Variants in GRM7 observed in about 807,000 individuals in gnomAD.
The protein encoded by GRM7 is metabotropic glutamate receptor 7.
Under a neutral mutation model 84.5 loss-of-function variants are expected in GRM7, and 35 were observed. The observed-to-expected ratio is 0.41, with a 90% CI of 0.32 to 0.55. The LOEUF is 0.55. Ranked by LOEUF, GRM7 falls within the 20% of genes least tolerant of loss-of-function variation. The pLI, the probability that GRM7 is intolerant of heterozygous loss-of-function variation, is 0.19. For synonymous variants in GRM7, 487 were observed against 455.1 expected (o/e 1.07, Z -0.89); for missense variants, 1,003 against 1,194.6 (o/e 0.84, Z 2.36).
At chr3:7,583,571 A>C (rs1298920218) in intron 8 of GRM7, among the ~76,000 whole-genome samples, 1 of 152,160 alleles carries the variant, frequency 6.6e-6, no homozygotes, top group Non-Finnish European at 1.5e-5. Context: ...GATTCTTGAT[A>C]CCTCTTCCCA....
At chr3:7,438,548 C>G (rs1392232656) in intron 5 of GRM7, among the ~76,000 whole-genome samples, 2 of 151,814 alleles carry the variant, frequency 1.3e-5, no homozygotes, top group Non-Finnish European at 2.9e-5. Flanking sequence ...TACCTCTGGG[C>G]AAATAACATA....
At chr3:7,503,500 A>G (rs764322026) in intron 7 of GRM7, among the ~76,000 whole-genome samples, 2 of 152,168 alleles carry the variant, frequency 1.3e-5, no homozygotes, top group Non-Finnish European at 2.9e-5. Context: ...GGCAGATTGC[A>G]TACCCACTAT....
At chr3:6,944,816 G>T (rs1222901614) in intron 1 of GRM7, among the ~76,000 whole-genome samples, 3 of 152,014 alleles carry the variant, frequency 2.0e-5, no homozygotes, top group Non-Finnish European at 4.4e-5. Flanking sequence ...AGTTTTTATT[G>T]TGAGAAGGTT....
At chr3:7,256,446 A>G (rs557243164) in intron 2 of GRM7, among the ~76,000 whole-genome samples, 2 of 152,178 alleles carry the variant, frequency 1.3e-5, no homozygotes, top group Non-Finnish European at 2.9e-5. Flanking sequence ...GCAGCCCACA[A>G]TTTTATCACT....
intron 4 of GRM7, among the ~76,000 whole-genome samples, chr3:7,326,835 A>G (rs2125060912): frequency 6.8e-6 from 1 of 146,536 alleles, no homozygotes; most frequent in South Asian, 2.1e-4. Context: ...CTCCGTCTCA[A>G]AAAAAAAAAA....
chr3:6,996,968 A>G (rs1055585171), intron 1 of GRM7, among the ~76,000 whole-genome samples: 11 of 152,210 alleles, frequency 7.2e-5, no homozygotes, highest in Non-Finnish European at 1.5e-5. Context: ...TCCAGATGAA[A>G]TGCTTCGGAA....
At chr3:7,662,192 GA>G (rs1212280593) in intron 8 of GRM7, among the ~76,000 whole-genome samples, 3 of 152,134 alleles carry the variant, frequency 2.0e-5, no homozygotes, top group African/African-American at 4.8e-5. Context: ...TAAAACTCTA[GA>G]AAACAGAAAA....
chr3:7,490,326 C>G (rs990260633), intron 7 of GRM7, among the ~76,000 whole-genome samples: 1 of 152,062 alleles, frequency 6.6e-6, no homozygotes, highest in Non-Finnish European at 1.5e-5. Flanking sequence ...AAAATATGAG[C>G]TACACACAAG....
chr3:7,535,715 C>T (rs1015181033), intron 7 of GRM7, among the ~76,000 whole-genome samples: 1 of 152,212 alleles, frequency 6.6e-6, no homozygotes, highest in African/African-American at 2.4e-5. Context: ...ATTGCTCTAA[C>T]CATACAATTG....
At chr3:7,265,256 T>C (rs1698596371) in intron 2 of GRM7, among the ~76,000 whole-genome samples, 1 of 152,252 alleles carries the variant, frequency 6.6e-6, no homozygotes, top group Non-Finnish European at 1.5e-5. Flanking sequence ...TTGATCTGAC[T>C]TGACTTTAAG....
chr3:7,012,565 T>C (rs1695412084), intron 1 of GRM7, among the ~76,000 whole-genome samples: 2 of 152,102 alleles, frequency 1.3e-5, no homozygotes, highest in East Asian at 1.9e-4. Flanking sequence ...CCTTCTCCCC[T>C]GAAGAGGTCA....
At position 6,938,981 on chromosome 3, in the gene GRM7, A is replaced by G. The variant is rs56833187; in HGVS notation, c.519+77074A>G. On this transcript the variant is annotated intron_variant, in intron 1 of 9. Coordinates refer to ENST00000357716, the MANE Select transcript of GRM7 (RefSeq NM_000844.4). ...GCAGAAAATCAAATTAATTCAGTGC[A>G]TAAACTAACCCCTCTCGATCTCTTG... Among the ~76,000 whole-genome samples, 1,365 of 152,344 alleles carry G rather than the reference A, an allele frequency of 9.0e-3. 17 individuals are homozygous for G. The highest frequency in any genetic ancestry group is 0.03 in the African/African-American group (1,268 of 41,584).
chr3:7,460,289 TAAC>T (rs1254474307), intron 6 of GRM7, among the ~76,000 whole-genome samples: 1 of 152,102 alleles, frequency 6.6e-6, no homozygotes, highest in Non-Finnish European at 1.5e-5. Flanking sequence ...AAACCAGACT[TAAC>T]AATGCTTTCA....
At chr3:7,041,379 A>T (rs1696609093) in intron 1 of GRM7, among the ~76,000 whole-genome samples, 1 of 152,206 alleles carries the variant, frequency 6.6e-6, no homozygotes. Context: ...AAATAAATGA[A>T]ATTACATAAC....
At chr3:7,053,084 T>C (rs1697069938) in intron 1 of GRM7, among the ~76,000 whole-genome samples, 1 of 150,218 alleles carries the variant, frequency 6.7e-6, no homozygotes, top group Non-Finnish European at 1.5e-5. Context: ...GGGTTTTTTT[T>C]TTTTAAAATA....
intron 7 of GRM7, among the ~76,000 whole-genome samples, chr3:7,508,113 G>A (rs995369527): frequency 6.6e-6 from 1 of 152,174 alleles, no homozygotes; most frequent in African/African-American, 2.4e-5. Flanking sequence ...GTTTTCTTCA[G>A]ATACTTGCCA....
chr3:7,319,776 A>C (rs1700707375), intron 4 of GRM7, among the ~76,000 whole-genome samples: 1 of 152,064 alleles, frequency 6.6e-6, no homozygotes, highest in African/African-American at 2.4e-5. Flanking sequence ...ACTGTTCTTT[A>C]GACATATTTC....
intron 9 of GRM7, among the ~76,000 whole-genome samples, chr3:7,699,982 A>G (rs1317563909): frequency 6.6e-6 from 1 of 152,142 alleles, no homozygotes; most frequent in Non-Finnish European, 1.5e-5. Flanking sequence ...TACCCTCTGT[A>G]AGCAAGTTAT....
intron 9 of GRM7, among the ~76,000 whole-genome samples, chr3:7,695,496 C>T (rs150269604): frequency 7.0e-4 from 107 of 152,288 alleles, no homozygotes; most frequent in Middle Eastern, 3.4e-3. Context: ...GCTTTCTATG[C>T]GTTTCTGCCC....
Sources: allele counts gnomAD v4.1 joint callset (sites outside exome capture counted in the v4.1 genomes callset), GRCh38; gene constraint gnomAD v4.1.1; transcripts MANE v1.5; gene names NCBI Gene and HGNC (gene_info 2026-07-23, HGNC 2026-07-21).